KATNAL2: variants seen among roughly 807,000 people sequenced by gnomAD.
KATNAL2 encodes katanin p60 ATPase-containing subunit A-like 2.
A neutral mutation model predicts 76.3 loss-of-function variants in KATNAL2; 52 were observed. The ratio of observed to expected loss-of-function variants is 0.68; its 90% CI spans 0.55 to 0.86. The LOEUF (loss-of-function observed/expected upper bound fraction) is 0.86, where lower values mean the gene tolerates loss of function less well. Among genes scored for constraint, KATNAL2 ranks in the 40% least tolerant of loss-of-function variants. KATNAL2 has a pLI of 0.00. For missense variants in KATNAL2, 660 were observed against 668.9 expected (o/e 0.99, Z 0.15); for synonymous variants, 243 against 244.2 (o/e 1.00, Z 0.05).
chr18:46,947,639 C>A (rs541432045), intron 3 of KATNAL2, among the ~76,000 whole-genome samples: 1 of 152,246 alleles, frequency 6.6e-6, no homozygotes, highest in African/African-American at 2.4e-5. Flanking sequence ...GGATCTCATT[C>A]CTAGAGGTTC....
chr18:47,070,262 A>T (rs923384382), intron 13 of KATNAL2, among the ~76,000 whole-genome samples: 4 of 151,828 alleles, frequency 2.6e-5, no homozygotes, highest in African/African-American at 9.7e-5. Context: ...ACGCCCAGCT[A>T]ATTTTTTTTG....
At chr18:46,922,712 G>T (rs1048665349) in intron 1 of KATNAL2, among the ~76,000 whole-genome samples, 3 of 151,720 alleles carry the variant, frequency 2.0e-5, no homozygotes, top group African/African-American at 7.3e-5. Context: ...CAGGAGAATC[G>T]CTTGAACCCA....
At chr18:46,920,220 A>T (rs913481071) in intron 1 of KATNAL2, 8 of 480,396 alleles carry the variant, frequency 1.7e-5, no homozygotes, top group African/African-American at 4.0e-5. Flanking sequence ...TGGCCACAGT[A>T]TTAGATCACA....
At position 46,917,617 on chromosome 18, in the gene KATNAL2, AGCGCCCGCCC is replaced by A. The variant is rs1305926480; in HGVS notation, c.-813_-804del. On this transcript the variant is annotated 5_prime_UTR_variant, in exon 1 of 18. Coordinates refer to ENST00000683218, the MANE Select transcript of KATNAL2 (RefSeq NM_001387690.1). Reference sequence around the variant, plus strand: ...CCGCGCCTTCAGTCCGCGCGGCGACAGCGCCCGCCCGCGCCTGCCCCGGCGTGCTGCCCCG... The same window carrying A: ...CCGCGCCTTCAGTCCGCGCGGCGACAGCGCCTGCCCCGGCGTGCTGCCCCG... 9 of 956,358 alleles carry A rather than the reference AGCGCCCGCCC, an allele frequency of 9.4e-6. No homozygotes were observed. Among genetic ancestry groups the A allele is most frequent in the Admixed American group, 5.9e-5 (1 of 17,082 alleles). 59.2% of individuals were successfully genotyped at this position (956,358 alleles called of 1,614,324 possible). A position where few individuals can be genotyped will look rare whatever the true frequency, so the allele number is the denominator to read the frequency against.
chr18:47,063,589 G>A (rs936365818), intron 10 of KATNAL2, among the ~76,000 whole-genome samples: 1 of 152,094 alleles, frequency 6.6e-6, no homozygotes, highest in Non-Finnish European at 1.5e-5. Context: ...TAGAGGCCAA[G>A]AAAACCAAGA....
At chr18:46,935,945 A>G (rs1360417742) in intron 1 of KATNAL2, among the ~76,000 whole-genome samples, 1 of 152,178 alleles carries the variant, frequency 6.6e-6, no homozygotes, top group African/African-American at 2.4e-5. Context: ...CCTCTGGACC[A>G]GTAGGAACTA....
intron 15 of KATNAL2, 156 bp from the exon 16 acceptor site, chr18:47,099,087 T>G: frequency 1.7e-6 from 1 of 604,432 alleles, no homozygotes; most frequent in Non-Finnish European, 2.7e-6. Flanking sequence ...TTTCTCCAAA[T>G]AATATTAATT....
chr18:47,035,140 T>A, intron 3 of KATNAL2: 1 of 1,611,870 alleles, frequency 6.2e-7, no homozygotes. Flanking sequence ...CGCCAGGATG[T>A]CTGCCGTCAT....
chr18:46,947,230 T>C (rs1040109188), intron 3 of KATNAL2, among the ~76,000 whole-genome samples: 1 of 152,174 alleles, frequency 6.6e-6, no homozygotes, highest in Non-Finnish European at 1.5e-5. Flanking sequence ...ACTCTGGATC[T>C]TGATTGGGTG....
chr18:46,957,553 C>CCT lies in KATNAL2; in HGVS notation c.51+10630_51+10631insCT, dbSNP rs1161903395. The stretch of plus-strand genomic sequence containing the variant: ...ACAGGCGTGAACCACCGCGCCTGGC[C>CCT]TTTTTTTTTTTTTTTTTTTTTTTTT... On this transcript the variant is annotated intron_variant, in intron 3 of 17. Coordinates refer to ENST00000683218, the MANE Select transcript of KATNAL2 (RefSeq NM_001387690.1). Among the ~76,000 whole-genome samples the CCT allele has an allele frequency of 8.5e-3, 517 of 60,520 alleles. 108 individuals carry two copies. Among genetic ancestry groups the CCT allele is most frequent in the African/African-American group, 0.018 (272 of 15,102 alleles). The allele number at this position is 60,520 out of a possible 152,430, so 39.7% of individuals were successfully genotyped here. A position where few individuals can be genotyped will look rare whatever the true frequency, so the allele number is the denominator to read the frequency against.
intron 3 of KATNAL2, among the ~76,000 whole-genome samples, chr18:47,038,026 T>C (rs2060839307): frequency 6.6e-6 from 1 of 151,942 alleles, no homozygotes; most frequent in African/African-American, 2.4e-5. Flanking sequence ...CCAGACAGAG[T>C]TCTAAAGGAC....
chr18:46,950,289 G>A (rs1487648303), intron 3 of KATNAL2, among the ~76,000 whole-genome samples: 1 of 152,130 alleles, frequency 6.6e-6, no homozygotes, highest in African/African-American at 2.4e-5. Context: ...CTCACTGATG[G>A]TTTGATCTCT....
intron 1 of KATNAL2, among the ~76,000 whole-genome samples, chr18:46,924,429 G>T (rs997397640): frequency 2.0e-5 from 3 of 152,186 alleles, no homozygotes; most frequent in African/African-American, 7.2e-5. Flanking sequence ...TGTTACATTG[G>T]TCTATATCTC....
At position 47,067,076 on chromosome 18, in the gene KATNAL2, C is replaced by T; in HGVS notation, c.782C>T (p.Ala261Val). The change falls in exon 11 of 18, where the codon GCA becomes GTA. Residue 261 changes from alanine to valine, a missense_variant. Transcript: ENST00000683218. ...IKWNDIIGLD[A>V]AKQLVKEAVV... ...TGGAATGACATTATTGGACTTGATG[C>T]AGCCAAGCAGTTAGTCAAAGAAGCT... 6.3e-7 allele frequency: 1 copy of T among 1,584,614 alleles called. No homozygotes were observed. The highest frequency in any genetic ancestry group is 1.2e-5 in the South Asian group (1 of 86,502).
intron 1 of KATNAL2, among the ~76,000 whole-genome samples, chr18:46,926,368 G>A (rs1015330911): frequency 1.3e-5 from 2 of 152,150 alleles, no homozygotes; most frequent in African/African-American, 4.8e-5. Flanking sequence ...GGAGCAGGTT[G>A]TTCAGTTTCC....
intron 3 of KATNAL2, among the ~76,000 whole-genome samples, chr18:47,044,930 T>C (rs138986767): frequency 0.011 from 1,599 of 152,032 alleles, 14 homozygotes; most frequent in Non-Finnish European, 0.014. Context: ...ACAAAAAATA[T>C]AGAAATCAGC....
intron 4 of KATNAL2, among the ~76,000 whole-genome samples, chr18:47,048,303 C>T (rs544191702): frequency 2.2e-3 from 335 of 152,228 alleles, no homozygotes; most frequent in African/African-American, 7.8e-3. Flanking sequence ...AACTAAAAGT[C>T]GGTTTTGAGA....
chr18:47,082,681 C>T (rs2062585296), intron 15 of KATNAL2, among the ~76,000 whole-genome samples: 1 of 152,106 alleles, frequency 6.6e-6, no homozygotes, highest in South Asian at 2.1e-4. Context: ...CACCAGCCAC[C>T]TAATGATAGG....
chr18:47,065,112 C>T (rs1314676188), intron 10 of KATNAL2, among the ~76,000 whole-genome samples: 3 of 152,140 alleles, frequency 2.0e-5, no homozygotes, highest in Non-Finnish European at 4.4e-5. Flanking sequence ...TTTCTCTACC[C>T]TTCAATCCAA....
Sources: allele counts gnomAD v4.1 joint callset (sites outside exome capture counted in the v4.1 genomes callset), GRCh38; gene constraint gnomAD v4.1.1; transcripts MANE v1.5; gene names NCBI Gene and HGNC (gene_info 2026-07-23, HGNC 2026-07-21).